The following KCMF1 variants were observed in gnomAD, a reference collection of about 807,000 sequenced individuals.
KCMF1 encodes E3 ubiquitin-protein ligase KCMF1.
A neutral mutation model predicts 41.1 loss-of-function variants in KCMF1; 3 were observed. That is an observed-to-expected ratio of 0.07 (90% CI 0.03 to 0.19). KCMF1 has a LOEUF of 0.19. KCMF1 is among the 10% of genes least tolerant of loss of function. The pLI is 1.00. For synonymous variants in KCMF1, 142 were observed against 164.5 expected (o/e 0.86, Z 1.04); for missense variants, 286 against 488.9 (o/e 0.58, Z 3.91).
chr2:84,974,692 T>TATATATATATATGTATA, intron 1 of KCMF1, among the ~76,000 whole-genome samples: 1 of 17,236 alleles, frequency 5.8e-5, no homozygotes, highest in African/African-American at 2.2e-4. Flanking sequence ...TATATATATA[T>TATATATATATATGTATA]TTTTTTTTTT....
At chr2:84,989,740 C>T (rs1283963595) in intron 1 of KCMF1, among the ~76,000 whole-genome samples, 1 of 152,064 alleles carries the variant, frequency 6.6e-6, no homozygotes, top group Non-Finnish European at 1.5e-5. Flanking sequence ...GACAGAGAAG[C>T]ATGCTTTCAG....
At chr2:84,971,497 C>T (rs1372164252) in intron 1 of KCMF1, 30 bp downstream of exon 1, 3 of 1,207,928 alleles carry the variant, frequency 2.5e-6, no homozygotes, top group East Asian at 4.4e-5. Context: ...CCACCCGCAC[C>T]TCCCGGGCCT....
chr2:85,050,395 T>A (rs1345741974), intron 6 of KCMF1, among the ~76,000 whole-genome samples: 1 of 152,174 alleles, frequency 6.6e-6, no homozygotes, highest in Non-Finnish European at 1.5e-5. Context: ...AAAGCTAGAT[T>A]TAAATTTTTA....
chr2:85,026,205 G>A (rs1218560443), intron 1 of KCMF1, among the ~76,000 whole-genome samples: 2 of 151,842 alleles, frequency 1.3e-5, no homozygotes. Flanking sequence ...TGGTCAGGGT[G>A]GTCTTGAACT....
intron 1 of KCMF1, among the ~76,000 whole-genome samples, chr2:84,977,809 TCA>T (rs1434168009): frequency 6.6e-6 from 1 of 152,176 alleles, no homozygotes; most frequent in East Asian, 1.9e-4. Context: ...GGAAAATGAA[TCA>T]CATTTTAATT....
At chr2:84,988,384 A>G (rs1392913222) in intron 1 of KCMF1, among the ~76,000 whole-genome samples, 4 of 152,240 alleles carry the variant, frequency 2.6e-5, no homozygotes. Flanking sequence ...TAAGCATTTC[A>G]CATGTACCAA....
chr2:85,007,025 C>CG (rs905156094), intron 1 of KCMF1, among the ~76,000 whole-genome samples: 48 of 147,554 alleles, frequency 3.3e-4, no homozygotes, highest in African/African-American at 1.1e-3. Context: ...CGCTTGGACC[C>CG]GGGAGCCAGA....
intron 1 of KCMF1, among the ~76,000 whole-genome samples, chr2:84,988,651 T>G (rs140416650): frequency 6.6e-6 from 1 of 152,320 alleles, no homozygotes; most frequent in African/African-American, 2.4e-5. Context: ...TGTTATTCCC[T>G]TTTACAAATT....
chr2:85,034,034 A>AAT lies in KCMF1; in HGVS notation c.185-982_185-981insAT, dbSNP rs150412648. Among the ~76,000 whole-genome samples, 1,341 of 149,416 alleles carry AAT rather than the reference A, an allele frequency of 9.0e-3. 13 individuals are homozygous for AAT. Among genetic ancestry groups the AAT allele is most frequent in the African/African-American group, 0.031 (1,253 of 40,422 alleles). ...CCCATCTTTCCAAAAAAAAAAAAAAATTTTTTTTTTAATTAGCCGGATGTG... is the reference window on the plus strand; with the variant it reads ...CCCATCTTTCCAAAAAAAAAAAAAAAATTTTTTTTTTTAATTAGCCGGATGTG... On this transcript the variant is annotated intron_variant, in intron 2 of 6. Transcript: ENST00000409785.
At chr2:85,044,208 C>T (rs575886761) in intron 4 of KCMF1, among the ~76,000 whole-genome samples, 63 of 152,050 alleles carry the variant, frequency 4.1e-4, no homozygotes, top group African/African-American at 1.5e-3. Context: ...GCTGCCTTAC[C>T]CTGTTGTGGG....
At chr2:85,001,520 A>T (rs1045638989) in intron 1 of KCMF1, among the ~76,000 whole-genome samples, 1 of 152,118 alleles carries the variant, frequency 6.6e-6, no homozygotes, top group Non-Finnish European at 1.5e-5. Context: ...GTCTGGTAGG[A>T]GGTTTAGAAA....
chr2:84,971,596 G>A, intron 1 of KCMF1, 129 bp downstream of exon 1: 1 of 347,310 alleles, frequency 2.9e-6, no homozygotes, highest in Non-Finnish European at 4.4e-6. Context: ...CCGAGGCGCT[G>A]GACCCGGGAG....
chr2:85,008,270 A>ATC (rs1674527427), intron 1 of KCMF1, among the ~76,000 whole-genome samples: 9 of 101,410 alleles, frequency 8.9e-5, no homozygotes, highest in African/African-American at 3.6e-4. Context: ...TATCATATAT[A>ATC]ATATATAATA....
At chr2:85,006,867 C>G (rs551153097) in intron 1 of KCMF1, among the ~76,000 whole-genome samples, 4 of 151,542 alleles carry the variant, frequency 2.6e-5, no homozygotes, top group Non-Finnish European at 5.9e-5. Context: ...CCAGCACTTA[C>G]GGAGGCCAAG....
At chr2:84,999,407 T>C (rs1170942258) in intron 1 of KCMF1, among the ~76,000 whole-genome samples, 1 of 152,198 alleles carries the variant, frequency 6.6e-6, no homozygotes, top group African/African-American at 2.4e-5. Flanking sequence ...TGCCTCGGCC[T>C]CTCAAAGTGT....
At chr2:85,023,498 T>A (rs975823508) in intron 1 of KCMF1, among the ~76,000 whole-genome samples, 12 of 151,876 alleles carry the variant, frequency 7.9e-5, no homozygotes, top group African/African-American at 2.9e-4. Flanking sequence ...TTTTTTTGTA[T>A]TTTTAGTAGA....
At chr2:85,048,250 G>T (rs1239668507) in intron 5 of KCMF1, among the ~76,000 whole-genome samples, 1 of 152,150 alleles carries the variant, frequency 6.6e-6, no homozygotes, top group African/African-American at 2.4e-5. Flanking sequence ...CTAATAAACT[G>T]AGTTTGGGGG....
intron 1 of KCMF1, among the ~76,000 whole-genome samples, chr2:84,990,752 T>C (rs1267504993): frequency 2.0e-5 from 3 of 151,968 alleles, no homozygotes; most frequent in Non-Finnish European, 2.9e-5. Flanking sequence ...GGAGGTGACA[T>C]TGGAGCAGAG....
At chr2:85,006,251 T>G (rs747168054) in intron 1 of KCMF1, among the ~76,000 whole-genome samples, 13 of 151,858 alleles carry the variant, frequency 8.6e-5, no homozygotes, top group Non-Finnish European at 1.6e-4. Flanking sequence ...TTCACTTTCC[T>G]TATATTGCTT....
Sources: allele counts gnomAD v4.1 joint callset (sites outside exome capture counted in the v4.1 genomes callset), GRCh38; gene constraint gnomAD v4.1.1; transcripts MANE v1.5; gene names NCBI Gene and HGNC (gene_info 2026-07-23, HGNC 2026-07-21).